TSHZ2: variants seen among roughly 807,000 people sequenced by gnomAD.
TSHZ2 encodes teashirt zinc finger homeobox 2.
Under a neutral mutation model 74.4 loss-of-function variants are expected in TSHZ2, and 21 were observed. The ratio of observed to expected loss-of-function variants is 0.28; its 90% confidence interval spans 0.20 to 0.41. The LOEUF (loss-of-function observed/expected upper bound fraction) is 0.41. TSHZ2 is among the 10% of genes least tolerant of loss of function. TSHZ2 has a pLI of 1.00. For synonymous variants in TSHZ2, 540 were observed against 515.3 expected (o/e 1.05, Z -0.65); for missense variants, 1,244 against 1,293.5 (o/e 0.96, Z 0.59).
intron 1 of TSHZ2, chr20:53,185,646 A>G: frequency 6.5e-7 from 1 of 1,536,048 alleles, no homozygotes; most frequent in South Asian, 1.2e-5. Context: ...GAAAGAAAAG[A>G]TGATGGCTGC....
intron 2 of TSHZ2, among the ~76,000 whole-genome samples, chr20:53,311,918 C>CA (rs1412224746): frequency 1.3e-5 from 2 of 152,006 alleles, no homozygotes; most frequent in African/African-American, 2.4e-5. Context: ...ATTGTCTCTA[C>CA]AAAAAATAAA....
chr20:53,280,927 C>T (rs558602731), intron 2 of TSHZ2, among the ~76,000 whole-genome samples: 130 of 152,270 alleles, frequency 8.5e-4, no homozygotes, highest in Middle Eastern at 3.4e-3. Context: ...CTCCTGACCT[C>T]GTGATCCGCC....
At chr20:53,133,969 G>GAAAAAA (rs3070080) in intron 1 of TSHZ2, among the ~76,000 whole-genome samples, 53 of 127,924 alleles carry the variant, frequency 4.1e-4, no homozygotes, top group African/African-American at 1.5e-3. Context: ...CATTTTTTCT[G>GAAAAAA]AAAAAAAAAA....
chr20:53,162,394 C>T (rs1185284852), intron 1 of TSHZ2, among the ~76,000 whole-genome samples: 1 of 152,240 alleles, frequency 6.6e-6, no homozygotes, highest in Non-Finnish European at 1.5e-5. Flanking sequence ...AGATCAAACA[C>T]AAGCTTACTC....
At chr20:53,477,681 A>G (rs1986025480) in intron 2 of TSHZ2, among the ~76,000 whole-genome samples, 1 of 148,282 alleles carries the variant, frequency 6.7e-6, no homozygotes, top group Non-Finnish European at 1.5e-5. Context: ...TAAACTAAAG[A>G]GCTTCTGCAC....
At chr20:53,274,086 C>G (rs187774544) in intron 2 of TSHZ2, among the ~76,000 whole-genome samples, 9 of 152,178 alleles carry the variant, frequency 5.9e-5, no homozygotes, top group Admixed American at 6.5e-5. Flanking sequence ...CGAGACCATC[C>G]TGGTGAGACC....
chr20:53,469,758 TAGAG>T (rs1219058902), intron 2 of TSHZ2, among the ~76,000 whole-genome samples: 1 of 32,308 alleles, frequency 3.1e-5, no homozygotes, highest in Non-Finnish European at 5.8e-5. Flanking sequence ...CCAAGAAAGA[TAGAG>T]AGGGAGGAAG....
chr20:53,190,690 G>A (rs1230377320), intron 1 of TSHZ2, among the ~76,000 whole-genome samples: 3 of 152,218 alleles, frequency 2.0e-5, no homozygotes, highest in Non-Finnish European at 2.9e-5. Context: ...GATAGATGAT[G>A]CAGTTTTAAT....
At chr20:53,460,341 G>A (rs1354545505) in intron 2 of TSHZ2, among the ~76,000 whole-genome samples, 117 of 151,864 alleles carry the variant, frequency 7.7e-4, no homozygotes, top group African/African-American at 1.8e-3. Context: ...TGATCGCATC[G>A]GCTCCTGAGG....
chr20:53,175,159 T>TTTC (rs1221311949), intron 1 of TSHZ2, among the ~76,000 whole-genome samples: 2 of 134,102 alleles, frequency 1.5e-5, no homozygotes, highest in African/African-American at 5.9e-5. Context: ...TTTTTTTTTT[T>TTTC]CAACGGAGTT....
chr20:53,211,462 C>T (rs888921789), intron 1 of TSHZ2, among the ~76,000 whole-genome samples: 81 of 151,858 alleles, frequency 5.3e-4, no homozygotes, highest in African/African-American at 1.9e-3. Context: ...AAAGAAAATG[C>T]TTTACTTTTG....
chr20:53,360,074 G>A (rs1980994381), intron 2 of TSHZ2, among the ~76,000 whole-genome samples: 1 of 152,224 alleles, frequency 6.6e-6, no homozygotes, highest in African/African-American at 2.4e-5. Flanking sequence ...TTCAGTCCAA[G>A]GTGATAACAT....
chr20:53,077,944 ATGTGCCCTG>A (rs1280153382), intron 1 of TSHZ2, among the ~76,000 whole-genome samples: 1 of 152,224 alleles, frequency 6.6e-6, no homozygotes, highest in Non-Finnish European at 1.5e-5. Flanking sequence ...GAAAATTGAA[ATGTGCCCTG>A]TGTACAATGT....
intron 1 of TSHZ2, among the ~76,000 whole-genome samples, chr20:53,157,407 T>TG (rs1987821891): frequency 2.2e-5 from 1 of 45,122 alleles, no homozygotes; most frequent in African/African-American, 3.0e-4. Flanking sequence ...ATTGAGTTGG[T>TG]TTTTTTTTTT....
chr20:53,451,941 G>A (rs1186918073), intron 2 of TSHZ2, among the ~76,000 whole-genome samples: 1 of 152,240 alleles, frequency 6.6e-6, no homozygotes, highest in Non-Finnish European at 1.5e-5. Context: ...GAAGAGCCTA[G>A]AAAGCAGGTC....
Position 53,302,770 on chromosome 20 carries a change from G to T in TSHZ2, c.*8+46199G>T, listed in dbSNP as rs144633229. 2.8e-3 allele frequency among the ~76,000 whole-genome samples: 420 copies of T among 152,186 alleles called. 5 individuals are homozygous for T. Among genetic ancestry groups the T allele is most frequent in the African/African-American group, 9.2e-3 (380 of 41,510 alleles). On this transcript the variant is annotated intron_variant, in intron 2 of 2. Coordinates refer to ENST00000371497, the MANE Select transcript of TSHZ2 (RefSeq NM_173485.6). ...CTAAGAAAGGCAAGCCTTCAAAATG[G>T]GCTTCAGTAGATGTCAACTAATAAA...
At chr20:53,117,602 C>G (rs906616573) in intron 1 of TSHZ2, among the ~76,000 whole-genome samples, 2 of 152,118 alleles carry the variant, frequency 1.3e-5, no homozygotes, top group Admixed American at 6.5e-5. Flanking sequence ...AGCTGAGAAC[C>G]AGGTGAAAAA....
chr20:53,423,118 G>A (rs1983536605), intron 2 of TSHZ2, among the ~76,000 whole-genome samples: 1 of 152,190 alleles, frequency 6.6e-6, no homozygotes, highest in African/African-American at 2.4e-5. Context: ...TGATATTTGG[G>A]TTGGGCGCCG....
intron 2 of TSHZ2, chr20:53,421,142 A>G (rs1329544999): frequency 1.3e-5 from 2 of 152,310 alleles, no homozygotes; most frequent in Non-Finnish European, 2.9e-5. Context: ...TTGGCTGGAG[A>G]TGGAGCAGAG....
Sources: allele counts gnomAD v4.1 joint callset (sites outside exome capture counted in the v4.1 genomes callset), GRCh38; gene constraint gnomAD v4.1.1; transcripts MANE v1.5; gene names NCBI Gene and HGNC (gene_info 2026-07-23, HGNC 2026-07-21).